ABL2: variants seen among roughly 807,000 people sequenced by gnomAD.
The protein encoded by ABL2 is ABL proto-oncogene 2, non-receptor tyrosine kinase.
In ABL2, 49 loss-of-function variants were observed where a neutral mutation model predicts 107.7. That is an observed-to-expected ratio of 0.45 (90% CI 0.36 to 0.58). The LOEUF is 0.58. ABL2 is among the 20% of genes least tolerant of loss of function. ABL2 has a pLI of 0.00. For synonymous variants in ABL2, 549 were observed against 548.6 expected (o/e 1.00, Z -0.01); for missense variants, 1,245 against 1,457.0 (o/e 0.85, Z 2.37).
intron 9 of ABL2, among the ~76,000 whole-genome samples, chr1:179,114,435 A>C (rs1005242367): frequency 3.3e-5 from 5 of 152,220 alleles, no homozygotes; most frequent in Non-Finnish European, 7.3e-5. Context: ...AAAAACAACA[A>C]CACAAATAAA....
At chr1:179,122,409 A>G (rs1655308323) in intron 4 of ABL2, among the ~76,000 whole-genome samples, 1 of 151,920 alleles carries the variant, frequency 6.6e-6, no homozygotes. Context: ...CTGGGCCAGT[A>G]TACCCAGCAA....
rs180722517 is a variant in ABL2, at chr1:179,223,222, T to C, written c.157+6019A>G. ...TGAGCCTAGGAATTTAAGACCAGCCTGGCCCAGTACAGCAAGACCCCATCT... is the reference window on the plus strand; with the variant it reads ...TGAGCCTAGGAATTTAAGACCAGCCCGGCCCAGTACAGCAAGACCCCATCT... On this transcript the variant is annotated intron_variant, in intron 1 of 11. Coordinates refer to ENST00000502732, the MANE Select transcript of ABL2 (RefSeq NM_007314.4). Among the ~76,000 whole-genome samples, 26 of 150,540 alleles carry C rather than the reference T, an allele frequency of 1.7e-4. 1 individual carries two copies. In the East Asian group the frequency reaches 5.1e-3, roughly 29 times the overall value.
chr1:179,205,219 G>A (rs1807915), intron 1 of ABL2, among the ~76,000 whole-genome samples: 2 of 151,820 alleles, frequency 1.3e-5, no homozygotes, highest in Non-Finnish European at 2.9e-5. Flanking sequence ...TAGAGACGGG[G>A]TTTCACCATG....
intron 1 of ABL2, among the ~76,000 whole-genome samples, chr1:179,214,102 T>C (rs1662430988): frequency 6.6e-6 from 1 of 151,978 alleles, no homozygotes; most frequent in African/African-American, 2.4e-5. Context: ...TTAGGAAAGA[T>C]TATACTTAAC....
At chr1:179,173,358 A>ATTTTT (rs554479137) in intron 1 of ABL2, among the ~76,000 whole-genome samples, 13 of 106,138 alleles carry the variant, frequency 1.2e-4, no homozygotes, top group African/African-American at 3.0e-4. Context: ...AAAGGCTGTA[A>ATTTTT]TTTTTTTTTT....
At chr1:179,213,130 C>CA (rs1662375655) in intron 1 of ABL2, among the ~76,000 whole-genome samples, 1 of 150,186 alleles carries the variant, frequency 6.7e-6, no homozygotes, top group Non-Finnish European at 1.5e-5. Flanking sequence ...AATTTAAATT[C>CA]AAAAAATTAA....
intron 1 of ABL2, among the ~76,000 whole-genome samples, chr1:179,171,038 C>T (rs1659687809): frequency 6.6e-6 from 1 of 152,154 alleles, no homozygotes; most frequent in African/African-American, 2.4e-5. Context: ...TAATAATCCC[C>T]AACGTAGTTG....
At chr1:179,198,904 C>T (rs1661494594) in intron 1 of ABL2, among the ~76,000 whole-genome samples, 1 of 148,550 alleles carries the variant, frequency 6.7e-6, no homozygotes, top group Non-Finnish European at 1.5e-5. Context: ...TGCAGTGGCA[C>T]GATCTCGGCT....
At position 179,100,711 on chromosome 1, in the gene ABL2, T is replaced by G. The variant is rs1557894370; in HGVS notation, c.*7007A>C. On this transcript the variant is annotated 3_prime_UTR_variant, in exon 12 of 12. Transcript: ENST00000502732. Reference sequence around the variant, plus strand: ...AGGTAGGACCCTGAAAATTTGCTGATGCGAGTACAGTGATGAACAAAGAAC... The same window carrying G: ...AGGTAGGACCCTGAAAATTTGCTGAGGCGAGTACAGTGATGAACAAAGAAC... 4.3e-6 allele frequency: 1 copy of G among 229,946 alleles called. No individual in the cohort carries two copies. Among genetic ancestry groups the G allele is most frequent in the East Asian group, 6.2e-5 (1 of 16,118 alleles). 14.2% of individuals were successfully genotyped at this position (229,946 alleles called of 1,614,324 possible). A position where few individuals can be genotyped will look rare whatever the true frequency, so the allele number is the denominator to read the frequency against.
At chr1:179,227,736 G>C (rs1663298855) in intron 1 of ABL2, among the ~76,000 whole-genome samples, 1 of 152,140 alleles carries the variant, frequency 6.6e-6, no homozygotes, top group Non-Finnish European at 1.5e-5. Context: ...ATACCCGAAA[G>C]AGACACTCAA....
Position 179,174,291 on chromosome 1 carries a change from T to TA in ABL2, c.158-40918dup, listed in dbSNP as rs1356030133. 9.2e-3 allele frequency among the ~76,000 whole-genome samples: 1,076 copies of TA among 117,316 alleles called. 6 individuals carry two copies. Among genetic ancestry groups the TA allele is most frequent in the African/African-American group, 0.024 (760 of 31,416 alleles). 77.0% of individuals were successfully genotyped at this position (117,316 alleles called of 152,430 possible). ...CGAAAGAGCAAGACTCTGTCTCCAA[T>TA]AAAAAAAAAAAAAAGGTTTCAAATA... On this transcript the variant is annotated intron_variant, in intron 1 of 11. Coordinates refer to ENST00000502732, the MANE Select transcript of ABL2 (RefSeq NM_007314.4).
chr1:179,146,525 G>A (rs923159579), intron 1 of ABL2, among the ~76,000 whole-genome samples: 1 of 152,112 alleles, frequency 6.6e-6, no homozygotes, highest in African/African-American at 2.4e-5. Context: ...GAGATATCTT[G>A]AGGTTGAGTC....
intron 1 of ABL2, among the ~76,000 whole-genome samples, 190 bp downstream of exon 1, chr1:179,229,051 G>A (rs1234206611): frequency 6.6e-6 from 1 of 152,050 alleles, no homozygotes; most frequent in African/African-American, 2.4e-5. Context: ...CTGCCAGCCA[G>A]GCTAGAGACG....
intron 1 of ABL2, among the ~76,000 whole-genome samples, chr1:179,191,412 C>G (rs576089884): frequency 2.4e-5 from 3 of 125,112 alleles, no homozygotes; most frequent in Admixed American, 1.9e-4. Context: ...GTATGAAATC[C>G]CTTTTTTTTT....
chr1:179,193,794 C>T lies in ABL2; in HGVS notation c.157+35447G>A, dbSNP rs951025251. 6.6e-5 allele frequency among the ~76,000 whole-genome samples: 10 copies of T among 152,218 alleles called. No individual in the cohort carries two copies. In the East Asian group the frequency reaches 9.7e-4, roughly 15 times the overall value. ...TCGCCCAGGCTGGAGTGCAATGGCG[C>T]GATCTCGGCTCACTGCAAGCTCCAT... On this transcript the variant is annotated intron_variant, in intron 1 of 11. Transcript: ENST00000502732.
chr1:179,122,127 C>G (rs952512362), intron 4 of ABL2, among the ~76,000 whole-genome samples: 1 of 151,340 alleles, frequency 6.6e-6, no homozygotes, highest in East Asian at 1.9e-4. Flanking sequence ...GGGGTTTCAC[C>G]GTGTTCTTGA....
chr1:179,144,212 C>T (rs1657832526), intron 1 of ABL2, among the ~76,000 whole-genome samples: 1 of 152,034 alleles, frequency 6.6e-6, no homozygotes, highest in Non-Finnish European at 1.5e-5. Context: ...AATCCCAGCA[C>T]TTTGGGAGGC....
intron 1 of ABL2, among the ~76,000 whole-genome samples, chr1:179,198,466 G>A (rs1421122638): frequency 6.6e-6 from 1 of 152,024 alleles, no homozygotes; most frequent in East Asian, 1.9e-4. Context: ...GCCAAGGTAG[G>A]TGGATCACCT....
intron 1 of ABL2, among the ~76,000 whole-genome samples, chr1:179,190,602 T>G (rs1660949199): frequency 1.3e-5 from 2 of 150,296 alleles, no homozygotes; most frequent in African/African-American, 4.9e-5. Context: ...ACGTGGGGGG[T>G]GGGGTGGGAT....
Sources: gnomAD v4.1 joint callset for allele counts (sites outside exome capture counted in the v4.1 genomes callset) on GRCh38, gnomAD v4.1.1 for gene constraint, MANE v1.5 for transcripts, NCBI Gene and HGNC (gene_info 2026-07-23, HGNC 2026-07-21) for gene names.